Variants in DNAH12 observed in about 807,000 individuals in gnomAD.
DNAH12 encodes dynein axonemal heavy chain 12.
A neutral mutation model predicts 371.5 loss-of-function variants in DNAH12; 285 were observed. That is an observed-to-expected ratio of 0.77 (90% confidence interval 0.70 to 0.85). DNAH12 has a LOEUF of 0.85. Ranked by LOEUF, DNAH12 falls within the 40% of genes least tolerant of loss-of-function variation. DNAH12 has a pLI of 0.00. For synonymous variants in DNAH12, 1,200 were observed against 1,213.0 expected (o/e 0.99, Z 0.22); for missense variants, 3,611 against 3,689.4 (o/e 0.98, Z 0.55).
chr3:57,302,529 G>GTTCATATATATATATA (rs879293648), intron 69 of DNAH12, among the ~76,000 whole-genome samples: 16 of 47,856 alleles, frequency 3.3e-4, no homozygotes, highest in African/African-American at 1.4e-3. Context: ...GGCATCAGGT[G>GTTCATATATATATATA]TATATATATA....
intron 62 of DNAH12, among the ~76,000 whole-genome samples, 164 bp downstream of exon 62, chr3:57,334,301 T>G (rs912895782): frequency 6.6e-6 from 1 of 152,096 alleles, no homozygotes; most frequent in Non-Finnish European, 1.5e-5. Flanking sequence ...ATTCCTAAAT[T>G]GAGGAAAACA....
At position 57,299,007 on chromosome 3, in the gene DNAH12, T is replaced by C. The variant is rs186792731; in HGVS notation, c.11395-2023A>G. ...TTGTCTCTGAGCAGGCAATACACTC[T>C]GGGAAGAAGCCAGTTTTGCTCCATA... On this transcript the variant is annotated intron_variant, in intron 70 of 73. Coordinates refer to ENST00000495027, the MANE Select transcript of DNAH12 (RefSeq NM_001366028.2). Among the ~76,000 whole-genome samples, 30 of 152,292 alleles carry C rather than the reference T, an allele frequency of 2.0e-4. No individual in the cohort carries two copies. The Middle Eastern group carries it at 0.024, about 121-fold the overall frequency.
intron 45 of DNAH12, among the ~76,000 whole-genome samples, chr3:57,391,217 G>A (rs1437754210): frequency 2.0e-5 from 3 of 152,184 alleles, no homozygotes; most frequent in African/African-American, 7.2e-5. Context: ...GTAAAGCAGA[G>A]TGCCCTCCCT....
Position 57,468,937 on chromosome 3 carries a change from C to A in DNAH12, c.2148G>T (p.Met716Ile). ...GGGAAAACTCTTCCACATCAGCCTC[C>A]ATGCTTTCCCCATTGAGGTCCAAAA... Reference protein sequence around the residue: ...GGFLDLNGESMEADVEEFSRE... With the variant: ...GGFLDLNGESIEADVEEFSRE... Residue 716 changes from methionine (M) to isoleucine (I), a missense_variant, in exon 17 of 74, where the codon ATG (methionine) becomes ATT (isoleucine). Transcript: ENST00000495027. The A allele has an allele frequency of 6.6e-7, 1 of 1,511,938 alleles. No homozygotes were observed. The allele number at this position is 1,511,938 out of a possible 1,614,324, so 93.7% of individuals were successfully genotyped here.
intron 58 of DNAH12, among the ~76,000 whole-genome samples, chr3:57,363,002 G>A (rs1294938678): frequency 6.6e-6 from 1 of 152,154 alleles, no homozygotes; most frequent in African/African-American, 2.4e-5. Context: ...ACAGTTTTAG[G>A]TCTAACATTT....
intron 43 of DNAH12, chr3:57,402,515 CATTT>C: frequency 1.9e-6 from 2 of 1,067,104 alleles, no homozygotes; most frequent in Non-Finnish European, 2.6e-6. Flanking sequence ...TGCTAGAAAC[CATTT>C]ATTTATCTGA....
intron 43 of DNAH12, among the ~76,000 whole-genome samples, chr3:57,397,263 A>T (rs2063762015): frequency 1.3e-5 from 2 of 152,188 alleles, no homozygotes; most frequent in Admixed American, 1.3e-4. Flanking sequence ...TTTAGAAACT[A>T]GTTAAGTGGC....
rs1553680857 is a variant in DNAH12 at position 57,405,655 on chromosome 3, G to C, written c.6574C>G (p.Pro2192Ala). 11 of 1,549,970 alleles carry C rather than the reference G, an allele frequency of 7.1e-6. No individual in the cohort carries two copies. Among genetic ancestry groups the C allele is most frequent in the Middle Eastern group, 1.8e-4 (1 of 5,682 alleles). Residue 2192 changes from proline to alanine, a missense_variant and splice_region_variant, in exon 41 of 74, where the codon CCA becomes GCA. By Grantham distance (27) the Pro-to-Ala change is conservative. Transcript: ENST00000495027. ...ATGTTCTTAATCGCCATACTCACTG[G>C]TGCATTTTGTTTCCTCAAATGTGAA... ...IFSHLRKQNA[P>A]VTEEDLRNLM...
At chr3:57,322,224 C>T (rs368963708) in intron 65 of DNAH12, 119 bp downstream of exon 65, 29 of 1,136,930 alleles carry the variant, frequency 2.6e-5, no homozygotes, top group African/African-American at 2.5e-4. Context: ...TTAGGAAATG[C>T]GTAAAGTTTT....
chr3:57,347,176 T>C (rs1178264332), intron 60 of DNAH12, among the ~76,000 whole-genome samples: 1 of 151,746 alleles, frequency 6.6e-6, no homozygotes. Context: ...AAAACTACAA[T>C]CCAAAATCTC....
chr3:57,535,960 CT>C (rs1425526058), intron 2 of DNAH12, among the ~76,000 whole-genome samples: 11 of 152,086 alleles, frequency 7.2e-5, no homozygotes, highest in African/African-American at 2.7e-4. Flanking sequence ...CCTCAGCCAC[CT>C]GAGTCGCTGG....
chr3:57,310,989 G>A (rs1411013866), intron 66 of DNAH12, 39 bp from the exon 67 acceptor site: 1 of 1,362,940 alleles, frequency 7.3e-7, no homozygotes, highest in South Asian at 1.3e-5. Context: ...AAACCTTAAA[G>A]TATTTCACTT....
chr3:57,354,974 G>A (rs971976581), intron 59 of DNAH12, among the ~76,000 whole-genome samples: 1 of 152,154 alleles, frequency 6.6e-6, no homozygotes, highest in African/African-American at 2.4e-5. Flanking sequence ...TACGGAAGGG[G>A]TAAGGATGGG....
intron 62 of DNAH12, among the ~76,000 whole-genome samples, chr3:57,325,253 C>T (rs9790113): frequency 0.22 from 33,713 of 152,166 alleles, 4,388 homozygotes; most frequent in South Asian, 0.41. Context: ...GATCTGAGAA[C>T]GGGCAGACTG....
At chr3:57,458,808 C>A (rs931995004) in intron 20 of DNAH12, among the ~76,000 whole-genome samples, 2 of 152,150 alleles carry the variant, frequency 1.3e-5, no homozygotes, top group Non-Finnish European at 2.9e-5. Context: ...AATTGAGTAG[C>A]TGCAAGAAAG....
At chr3:57,299,288 T>G (rs1290723917) in intron 70 of DNAH12, among the ~76,000 whole-genome samples, 1 of 152,228 alleles carries the variant, frequency 6.6e-6, no homozygotes, top group Non-Finnish European at 1.5e-5. Context: ...ATTTACTAAG[T>G]GCTTAGTACA....
chr3:57,392,325 G>A (rs2063641708), intron 44 of DNAH12, among the ~76,000 whole-genome samples: 1 of 152,060 alleles, frequency 6.6e-6, no homozygotes, highest in African/African-American at 2.4e-5. Context: ...AAGATGTATA[G>A]AAATATAATT....
At chr3:57,365,293 A>C (rs2063025329) in intron 57 of DNAH12, among the ~76,000 whole-genome samples, 1 of 152,144 alleles carries the variant, frequency 6.6e-6, no homozygotes, top group East Asian at 1.9e-4. Context: ...AAGGAACAAG[A>C]TAATGTCCTT....
chr3:57,376,929 C>T (rs2063293613), intron 53 of DNAH12, 52 bp downstream of exon 53: 1 of 152,116 alleles, frequency 6.6e-6, no homozygotes, highest in African/African-American at 2.4e-5. Context: ...AAGAAGGTCA[C>T]ATATTCAAGG....
Sources: allele counts gnomAD v4.1 joint callset (sites outside exome capture counted in the v4.1 genomes callset), GRCh38; gene constraint gnomAD v4.1.1; transcripts MANE v1.5; gene names NCBI Gene and HGNC (gene_info 2026-07-23, HGNC 2026-07-21).